Variants in PLCL1 observed in about 807,000 individuals in gnomAD.
PLCL1 encodes the protein inactive phospholipase C-like protein 1.
A neutral mutation model predicts 84.4 loss-of-function variants in PLCL1; 41 were observed. The ratio of observed to expected loss-of-function variants is 0.49; its 90% confidence interval spans 0.38 to 0.63. PLCL1 has a LOEUF of 0.63. Among genes scored for constraint, PLCL1 ranks in the 30% least tolerant of loss-of-function variants. The pLI is 0.00. For synonymous variants in PLCL1, 490 were observed against 488.3 expected (o/e 1.00, Z -0.05); for missense variants, 1,206 against 1,367.8 (o/e 0.88, Z 1.87).
At chr2:198,023,394 C>G (rs1053005106) in intron 1 of PLCL1, among the ~76,000 whole-genome samples, 27 of 152,150 alleles carry the variant, frequency 1.8e-4, no homozygotes, top group Non-Finnish European at 3.4e-4. Flanking sequence ...CCAAAATTGA[C>G]AAATGAGATC....
chr2:197,816,475 A>G (rs1333010429), intron 1 of PLCL1, among the ~76,000 whole-genome samples: 2 of 152,174 alleles, frequency 1.3e-5, no homozygotes, highest in Non-Finnish European at 2.9e-5. Flanking sequence ...GTGATGGTCC[A>G]GAATTGAATT....
chr2:197,819,938 G>C (rs1241164485), intron 1 of PLCL1, among the ~76,000 whole-genome samples: 1 of 151,352 alleles, frequency 6.6e-6, no homozygotes, highest in Non-Finnish European at 1.5e-5. Flanking sequence ...TAGGGTTGGG[G>C]GAAGGTATAC....
intron 1 of PLCL1, among the ~76,000 whole-genome samples, chr2:197,896,730 C>G (rs1222449099): frequency 6.6e-6 from 1 of 151,994 alleles, no homozygotes; most frequent in Non-Finnish European, 1.5e-5. Context: ...TGTTTACATG[C>G]AATTTAGTTA....
chr2:198,111,284 C>T (rs377023435), intron 5 of PLCL1, among the ~76,000 whole-genome samples: 1 of 151,906 alleles, frequency 6.6e-6, no homozygotes, highest in African/African-American at 2.4e-5. Flanking sequence ...AATACTTCTA[C>T]AATCCCAGAG....
At chr2:198,130,759 G>C (rs543778702) in intron 5 of PLCL1, among the ~76,000 whole-genome samples, 1 of 152,106 alleles carries the variant, frequency 6.6e-6, no homozygotes, top group Non-Finnish European at 1.5e-5. Flanking sequence ...AGCAAGCACC[G>C]TTGGGTCAAC....
intron 5 of PLCL1, among the ~76,000 whole-genome samples, chr2:198,107,009 G>A (rs1024119274): frequency 6.6e-6 from 1 of 151,790 alleles, no homozygotes; most frequent in Non-Finnish European, 1.5e-5. Flanking sequence ...CTTTTCTCAC[G>A]CTGCTAATAA....
At chr2:198,111,264 C>T (rs536155952) in intron 5 of PLCL1, among the ~76,000 whole-genome samples, 3 of 151,908 alleles carry the variant, frequency 2.0e-5, no homozygotes, top group Admixed American at 1.3e-4. Flanking sequence ...ATGGGGACTC[C>T]ATCCCAGCAA....
intron 1 of PLCL1, among the ~76,000 whole-genome samples, chr2:197,981,711 C>T (rs547639951): frequency 1.3e-5 from 2 of 152,250 alleles, no homozygotes; most frequent in Admixed American, 1.3e-4. Context: ...CTTCATTTTC[C>T]AGAACGAATT....
chr2:197,980,196 TGAAAG>T (rs1343838398), intron 1 of PLCL1, among the ~76,000 whole-genome samples: 3 of 152,054 alleles, frequency 2.0e-5, no homozygotes, highest in East Asian at 1.9e-4. Context: ...ACACAGGAAA[TGAAAG>T]GAAGGAGCAG....
intron 1 of PLCL1, among the ~76,000 whole-genome samples, chr2:198,022,362 A>G (rs1691156414): frequency 6.6e-6 from 1 of 152,184 alleles, no homozygotes; most frequent in South Asian, 2.1e-4. Flanking sequence ...GCCCTCTCTC[A>G]CCACTCCTAT....
At position 198,045,405 on chromosome 2, in the gene PLCL1, A is replaced by G. The variant is rs560207235; in HGVS notation, c.241-38353A>G. Among the ~76,000 whole-genome samples, 7 of 152,330 alleles carry G rather than the reference A, an allele frequency of 4.6e-5. 1 individual carries two copies. Among genetic ancestry groups the G allele is most frequent in the African/African-American group, 1.7e-4 (7 of 41,584 alleles). The stretch of plus-strand genomic sequence containing the variant: ...TATGAATCATAGGAATGTAGATAAT[A>G]TGAAACATATTGCATTATTTTAGAT... On this transcript the variant is annotated intron_variant, in intron 1 of 5. Transcript: ENST00000428675.
intron 1 of PLCL1, among the ~76,000 whole-genome samples, chr2:197,860,473 A>G (rs1487354763): frequency 1.3e-5 from 2 of 152,132 alleles, no homozygotes; most frequent in Non-Finnish European, 1.5e-5. Context: ...ACAATGGTTG[A>G]ACTAATTTAT....
intron 1 of PLCL1, among the ~76,000 whole-genome samples, chr2:197,864,855 A>G (rs1687499746): frequency 6.6e-6 from 1 of 152,222 alleles, no homozygotes; most frequent in Non-Finnish European, 1.5e-5. Flanking sequence ...CAGCAGTTAC[A>G]GAAGCGGTTA....
chr2:198,067,211 C>T (rs1224944398), intron 1 of PLCL1, among the ~76,000 whole-genome samples: 1 of 150,822 alleles, frequency 6.6e-6, no homozygotes, highest in East Asian at 2.0e-4. Context: ...TCACTGCAAC[C>T]TCCCCTCCCG....
intron 1 of PLCL1, among the ~76,000 whole-genome samples, chr2:197,838,992 T>C (rs1329288016): frequency 1.3e-5 from 2 of 152,236 alleles, no homozygotes; most frequent in East Asian, 3.8e-4. Context: ...TTGAATACTA[T>C]TCAATGGAAA....
intron 1 of PLCL1, among the ~76,000 whole-genome samples, chr2:197,933,255 T>C (rs1438892508): frequency 6.6e-6 from 1 of 151,152 alleles, no homozygotes; most frequent in Non-Finnish European, 1.5e-5. Flanking sequence ...GTTTCTTTTT[T>C]TTTTCTTTTC....
At chr2:197,988,164 G>T (rs1429186290) in intron 1 of PLCL1, among the ~76,000 whole-genome samples, 1 of 152,142 alleles carries the variant, frequency 6.6e-6, no homozygotes, top group Non-Finnish European at 1.5e-5. Context: ...AGGAATTGAC[G>T]GTGGGACCTA....
chr2:197,933,980 T>C (rs547940590), intron 1 of PLCL1, among the ~76,000 whole-genome samples: 3 of 152,318 alleles, frequency 2.0e-5, no homozygotes, highest in Admixed American at 6.5e-5. Flanking sequence ...AAATACATAC[T>C]GTGAATTGCT....
At chr2:197,910,187 G>A (rs1042562752) in intron 1 of PLCL1, among the ~76,000 whole-genome samples, 8 of 152,208 alleles carry the variant, frequency 5.3e-5, no homozygotes, top group African/African-American at 1.9e-4. Flanking sequence ...TTAGTGAAAA[G>A]GAGATGGATT....
Sources: allele counts gnomAD v4.1 joint callset (sites outside exome capture counted in the v4.1 genomes callset), GRCh38; gene constraint gnomAD v4.1.1; transcripts MANE v1.5; gene names NCBI Gene and HGNC (gene_info 2026-07-23, HGNC 2026-07-21).